The following FAM120C variants were observed in gnomAD, a reference collection of about 807,000 sequenced individuals.
The protein encoded by FAM120C is family with sequence similarity 120 member C, also known as constitutive coactivator of PPAR-gamma-like protein 2.
Under a neutral mutation model 71.2 loss-of-function variants are expected in FAM120C, and 14 were observed. The ratio of observed to expected loss-of-function variants is 0.20; its 90% CI spans 0.13 to 0.31. FAM120C has a LOEUF of 0.31. Ranked by LOEUF, FAM120C falls within the 10% of genes least tolerant of loss-of-function variation. The pLI is 1.00. For missense variants in FAM120C, 500 were observed against 879.0 expected (o/e 0.57, Z 5.45); for synonymous variants, 354 against 353.2 (o/e 1.00, Z -0.03).
chrX:54,075,813 A>G (rs2066732309), intron 15 of FAM120C, among the ~76,000 whole-genome samples: 1 of 105,724 alleles, frequency 9.5e-6, no homozygotes, highest in Non-Finnish European at 1.9e-5. Context: ...AAAAAAAAAA[A>G]AGAATTTAAG....
Position 54,133,973 on chromosome X carries a change from G to A in FAM120C, c.1690C>T (p.Pro564Ser). The change falls in exon 8 of 16, where the codon CCT becomes TCT. Residue 564 changes from proline (P) to serine (S), a missense_variant. By Grantham distance (74) the Pro-to-Ser change is moderately conservative. Transcript: ENST00000375180. Reference protein sequence around the residue: ...PNRDRGSWAQPVDTGVSEASL... With the variant: ...PNRDRGSWAQSVDTGVSEASL... The stretch of plus-strand genomic sequence containing the variant: ...GCTTCTGAAACTCCAGTATCAACAG[G>A]CTGTGCCCAGGACCCTCTGTCACGA... The A allele has an allele frequency of 8.3e-7, 1 of 1,211,427 alleles. No individual in the cohort carries two copies. The highest frequency in any genetic ancestry group is 1.1e-6 in the Non-Finnish European group (1 of 895,231).
chrX:54,112,300 C>A (rs1323671827), intron 10 of FAM120C, among the ~76,000 whole-genome samples: 2 of 110,784 alleles, frequency 1.8e-5, no homozygotes, highest in Non-Finnish European at 3.8e-5. Flanking sequence ...ACCTGTAATC[C>A]CAGCTACTCG....
chrX:54,174,742 C>A (rs926818521), intron 1 of FAM120C, among the ~76,000 whole-genome samples: 1 of 111,722 alleles, frequency 9.0e-6, no homozygotes, highest in South Asian at 3.7e-4. Context: ...TGAAAATAAA[C>A]GAAGTTCTTT....
intron 1 of FAM120C, among the ~76,000 whole-genome samples, chrX:54,160,385 G>A (rs1557134281): frequency 9.0e-6 from 1 of 111,177 alleles, no homozygotes; most frequent in East Asian, 2.8e-4. Context: ...GGGAAACTAA[G>A]GCTACGAGAG....
At chrX:54,080,658 G>C (rs2066759782) in intron 14 of FAM120C, among the ~76,000 whole-genome samples, 1 of 110,668 alleles carries the variant, frequency 9.0e-6, no homozygotes, top group South Asian at 3.8e-4. Flanking sequence ...TCAGGAGTTT[G>C]AGACCAGCCT....
chrX:54,180,116 T>C (rs1439319255), intron 1 of FAM120C, among the ~76,000 whole-genome samples: 1 of 112,132 alleles, frequency 8.9e-6, no homozygotes, highest in African/African-American at 3.2e-5. Flanking sequence ...TAAGGGCTGC[T>C]TCTCTAAAGA....
chrX:54,085,866 T>C lies in FAM120C; in HGVS notation c.2688A>G (p.Gly896=). The stretch of plus-strand genomic sequence containing the variant: ...AAGGCGGTGGATGATTCATGTTGAC[T>C]CCTTCAAGGATGCTCTGTCTCATCT... ...VEKMRQSILE[G]VNMNHPPPSA... Residue 896 remains glycine, a synonymous_variant, in exon 13 of 16, where the codon GGA becomes GGG. Transcript: ENST00000375180. 2 of 1,211,638 alleles carry C rather than the reference T, an allele frequency of 1.7e-6. No homozygotes were observed. Among genetic ancestry groups the C allele is most frequent in the East Asian group, 5.9e-5 (2 of 33,828 alleles).
chrX:54,108,742 G>C (rs1475434354), intron 10 of FAM120C, among the ~76,000 whole-genome samples: 2 of 110,242 alleles, frequency 1.8e-5, no homozygotes, highest in Non-Finnish European at 3.8e-5. Flanking sequence ...ACCAGCCTGG[G>C]CAACATGGTG....
At position 54,076,327 on chromosome X, in the gene FAM120C, T is replaced by C. The variant is rs782154914; in HGVS notation, c.3037-3040A>G. ...CTGAGTGATGGAGCAAGACTGTTTTTTTAAAAAAAAAAAAATACAAAAAAA... is the reference window on the plus strand; with the variant it reads ...CTGAGTGATGGAGCAAGACTGTTTTCTTAAAAAAAAAAAAATACAAAAAAA... On this transcript the variant is annotated intron_variant, in intron 15 of 15. Transcript: ENST00000375180. Among the ~76,000 whole-genome samples, 7 of 107,856 alleles carry C rather than the reference T, an allele frequency of 6.5e-5. No individual in the cohort carries two copies. In the Admixed American group the frequency reaches 7.0e-4, roughly 11 times the overall value. The allele number at this position is 107,856 out of a possible 115,157, so 93.7% of individuals were successfully genotyped here. A position where few individuals can be genotyped will look rare whatever the true frequency, so the allele number is the denominator to read the frequency against.
At chrX:54,140,023 G>T (rs1048434288) in intron 4 of FAM120C, among the ~76,000 whole-genome samples, 24 of 111,270 alleles carry the variant, frequency 2.2e-4, no homozygotes, top group African/African-American at 7.8e-4. Flanking sequence ...GCCGGGCACG[G>T]TGGCTCATAC....
chrX:54,116,893 C>G (rs1467837534), intron 9 of FAM120C, 99 bp from the exon 10 acceptor site: 3 of 987,623 alleles, frequency 3.0e-6, no homozygotes, highest in Admixed American at 6.1e-5. Context: ...CATTTCAACT[C>G]TTAATTTTCT....
chrX:54,166,485 T>C (rs1022218223), intron 1 of FAM120C, among the ~76,000 whole-genome samples: 11 of 111,951 alleles, frequency 9.8e-5, no homozygotes, highest in Admixed American at 8.6e-4. Flanking sequence ...TTATTTGTAA[T>C]AGGTGAAGAC....
chrX:54,179,915 A>G (rs2067338754), intron 1 of FAM120C, among the ~76,000 whole-genome samples: 1 of 112,134 alleles, frequency 8.9e-6, no homozygotes, highest in Admixed American at 9.5e-5. Context: ...CCAACATTTT[A>G]TTATGAAAAA....
rs138660458 is a variant in FAM120C, at chrX:54,134,984, T to C, written c.1463A>G (p.Gln488Arg). 51 of 1,209,867 alleles carry C rather than the reference T, an allele frequency of 4.2e-5. No homozygotes were observed. The African/African-American group carries it at 8.9e-4, about 21-fold the overall frequency. The change falls in exon 7 of 16, where the codon CAG becomes CGG. Residue 488 changes from glutamine (Q) to arginine (R), a missense_variant. Gln to Arg is a conservative substitution (Grantham distance 43). This residue lies in a region of FAM120C where 85 missense variants were observed against 84.9 expected (regional missense o/e 1.00). Transcript: ENST00000375180. ...SHAFSEDPML[Q>R]NSPFANWAVS... ...AGCCCAATTGGCAAAGGGGCTGTTC[T>C]GCAGCATGGGATCCTCAGAAAAAGC...
chrX:54,174,120 T>C (rs781827239), intron 1 of FAM120C: 11 of 511,853 alleles, frequency 2.1e-5, no homozygotes, highest in African/African-American at 1.2e-4. Context: ...GGCCTCTCCA[T>C]AGGGCAGCTC....
chrX:54,079,165 G>C (rs1249574875), intron 15 of FAM120C, among the ~76,000 whole-genome samples: 1 of 107,551 alleles, frequency 9.3e-6, no homozygotes, highest in Admixed American at 1.0e-4. Flanking sequence ...GGGAGGTTGA[G>C]GCAGGAGAAT....
At position 54,144,971 on chromosome X, in the gene FAM120C, T is replaced by C. The variant is rs372698349; in HGVS notation, c.1158+6274A>G. 6.3e-5 allele frequency among the ~76,000 whole-genome samples: 7 copies of C among 111,382 alleles called. No individual in the cohort carries two copies. In the East Asian group the frequency reaches 1.4e-3, roughly 22 times the overall value. On this transcript the variant is annotated intron_variant, in intron 4 of 15. Transcript: ENST00000375180. ...TGGTACTGGTACCAAAACAACGATA[T>C]AGACCAATGGAACAGAACAGAGCCC...
intron 4 of FAM120C, among the ~76,000 whole-genome samples, chrX:54,146,361 G>A (rs1486444566): frequency 1.8e-5 from 2 of 110,761 alleles, no homozygotes; most frequent in African/African-American, 6.5e-5. Flanking sequence ...GAAAGACAAA[G>A]GAACAAATAT....
intron 10 of FAM120C, among the ~76,000 whole-genome samples, chrX:54,113,183 C>T (rs782003182): frequency 1.8e-5 from 2 of 111,390 alleles, no homozygotes; most frequent in African/African-American, 6.5e-5. Context: ...CAAAAGTGGC[C>T]GGGGGCGGTG....
Sources: gnomAD v4.1 joint callset for allele counts (sites outside exome capture counted in the v4.1 genomes callset) on GRCh38, gnomAD v4.1.1 for gene constraint, gnomAD v4.1.1 regional missense constraint, MANE v1.5 for transcripts, NCBI Gene and HGNC (gene_info 2026-07-23, HGNC 2026-07-21) for gene names.